COL5A2: variants seen among roughly 807,000 people sequenced by gnomAD.
The protein encoded by COL5A2 is collagen type V alpha 2 chain.
COL5A2 carries 23 observed loss-of-function variants against 208.2 expected under a neutral mutation model. The observed-to-expected ratio is 0.11, with a 90% CI of 0.08 to 0.16. The LOEUF is 0.16. Among genes scored for constraint, COL5A2 ranks in the 10% least tolerant of loss-of-function variants. The pLI is 1.00. For synonymous variants in COL5A2, 625 were observed against 628.5 expected (o/e 0.99, Z 0.08); for missense variants, 1,590 against 1,956.4 (o/e 0.81, Z 3.53).
At chr2:189,225,301 C>A (rs1320518189) in exon 1 of COL5A2, among the ~76,000 whole-genome samples, 2 of 152,070 alleles carry the variant, frequency 1.3e-5, no homozygotes, top group Non-Finnish European at 2.9e-5. Context: ...GGCCAGAGTT[C>A]TCAAGACCTT....
chr2:189,289,816 A>G, the COL5A2 span, among the ~76,000 whole-genome samples: 1 of 152,192 alleles, frequency 6.6e-6, no homozygotes, highest in Non-Finnish European at 1.5e-5. Context: ...GTAATAAAAT[A>G]CTTAGAAATA....
At chr2:189,338,879 A>G in the COL5A2 span, among the ~76,000 whole-genome samples, 1 of 151,924 alleles carries the variant, frequency 6.6e-6, no homozygotes, top group African/African-American at 2.4e-5. Flanking sequence ...TACCAAGCCC[A>G]ATCTTCCATT....
chr2:189,342,683 T>G, the COL5A2 span, among the ~76,000 whole-genome samples: 1 of 134,434 alleles, frequency 7.4e-6, no homozygotes, highest in Non-Finnish European at 1.6e-5. Context: ...ACACACACAA[T>G]AAATATGTTG....
At chr2:189,110,560 TCCAAGG>T in intron 1 of COL5A2, 111 bp from the exon 2 acceptor site, 1 of 864,770 alleles carries the variant, frequency 1.2e-6, no homozygotes. Context: ...GAAGTAACCT[TCCAAGG>T]AGCCAAACAC....
At chr2:189,146,844 A>C (rs185366543) in intron 1 of COL5A2, among the ~76,000 whole-genome samples, 3 of 152,286 alleles carry the variant, frequency 2.0e-5, no homozygotes, top group Admixed American at 2.0e-4. Context: ...ACAAGCATCT[A>C]AATCAAATTT....
At chr2:189,427,941 C>G in the COL5A2 span, among the ~76,000 whole-genome samples, 1 of 152,186 alleles carries the variant, frequency 6.6e-6, no homozygotes, top group African/African-American at 2.4e-5. Context: ...AAAGCATTTA[C>G]CCAATGCCTT....
chr2:189,218,550 T>G (rs1689307375), intron 1 of COL5A2, among the ~76,000 whole-genome samples: 1 of 152,170 alleles, frequency 6.6e-6, no homozygotes, highest in African/African-American at 2.4e-5. Flanking sequence ...AGGGAATAAA[T>G]TTCTGTTGTT....
At chr2:189,426,131 A>G in the COL5A2 span, among the ~76,000 whole-genome samples, 1 of 152,198 alleles carries the variant, frequency 6.6e-6, no homozygotes, top group South Asian at 2.1e-4. Flanking sequence ...TCAGAAGAAG[A>G]CAGGAAGACA....
the COL5A2 span, chr2:189,311,703 T>C: frequency 4.0e-6 from 3 of 753,478 alleles, no homozygotes; most frequent in Non-Finnish European, 7.2e-6. Flanking sequence ...GTGGACTGCA[T>C]GGTGACCACT....
chr2:189,198,953 T>C (rs1178539970), intron 1 of COL5A2, among the ~76,000 whole-genome samples: 2 of 152,204 alleles, frequency 1.3e-5, no homozygotes, highest in Admixed American at 1.3e-4. Context: ...TCAACCACTT[T>C]ATATATTCAC....
Position 189,085,707 on chromosome 2 carries a change from CT to C in COL5A2, c.744+11del. The C allele has an allele frequency of 6.2e-7, 1 of 1,612,242 alleles. No homozygotes were observed. Among genetic ancestry groups the C allele is most frequent in the Admixed American group, 1.7e-5 (1 of 59,982 alleles). On this transcript the variant is annotated intron_variant, in intron 10 of 53. Transcript: ENST00000374866. ...AAATGTAACTGGGTCTACATGCTTACTTGACATTTACCATTGGTCCAGGATC... is the reference window on the plus strand; with the variant it reads ...AAATGTAACTGGGTCTACATGCTTACTGACATTTACCATTGGTCCAGGATC...
chr2:189,172,704 T>C (rs1688593994), intron 1 of COL5A2, among the ~76,000 whole-genome samples: 1 of 152,176 alleles, frequency 6.6e-6, no homozygotes, highest in South Asian at 2.1e-4. Context: ...GAGGCTATGA[T>C]GCTTACGTTG....
At chr2:189,396,307 T>C in the COL5A2 span, among the ~76,000 whole-genome samples, 4 of 152,170 alleles carry the variant, frequency 2.6e-5, no homozygotes, top group African/African-American at 9.6e-5. Flanking sequence ...ATCACTGGTA[T>C]AGTGAAAAGA....
intron 1 of COL5A2, among the ~76,000 whole-genome samples, chr2:189,162,264 A>T (rs1304676205): frequency 6.6e-6 from 1 of 152,252 alleles, no homozygotes; most frequent in Non-Finnish European, 1.5e-5. Flanking sequence ...CAATCAATAA[A>T]GAACCTGATA....
chr2:189,101,967 T>C (rs1488980210), intron 3 of COL5A2, among the ~76,000 whole-genome samples: 1 of 151,978 alleles, frequency 6.6e-6, no homozygotes, highest in African/African-American at 2.4e-5. Context: ...TCTAGAGTCT[T>C]TCTATTTTAA....
rs141651823 is a variant in COL5A2 at position 189,071,117 on chromosome 2, T to C, written c.1158+923A>G. Among the ~76,000 whole-genome samples the C allele has an allele frequency of 3.3e-3, 501 of 152,324 alleles. 3 individuals carry two copies. The Middle Eastern group carries it at 0.048, about 14-fold the overall frequency. ...AACTAATAAGAAGCACGAACTTACATTGAGGGTGTCCTCTGCATAAGGCCC... is the reference window on the plus strand; with the variant it reads ...AACTAATAAGAAGCACGAACTTACACTGAGGGTGTCCTCTGCATAAGGCCC... On this transcript the variant is annotated intron_variant, in intron 18 of 53. Coordinates refer to ENST00000374866, the MANE Select transcript of COL5A2 (RefSeq NM_000393.5).
chr2:189,333,010 G>A, the COL5A2 span, among the ~76,000 whole-genome samples: 1 of 152,164 alleles, frequency 6.6e-6, no homozygotes, highest in Admixed American at 6.5e-5. Flanking sequence ...ATTATTTTAA[G>A]TGGAATAATA....
the COL5A2 span, among the ~76,000 whole-genome samples, chr2:189,273,437 G>T: frequency 1.3e-5 from 2 of 152,084 alleles, no homozygotes; most frequent in Non-Finnish European, 2.9e-5. Flanking sequence ...ATTAAAAAAA[G>T]AAGGTTCATC....
chr2:189,393,472 T>C, the COL5A2 span, among the ~76,000 whole-genome samples: 563 of 152,270 alleles, frequency 3.7e-3, 6 homozygotes, highest in African/African-American at 0.013. Flanking sequence ...CATCTTTCTA[T>C]AGTTTAATTA....
Sources: allele counts gnomAD v4.1 joint callset (sites outside exome capture counted in the v4.1 genomes callset), GRCh38; gene constraint gnomAD v4.1.1; transcripts MANE v1.5; gene names NCBI Gene and HGNC (gene_info 2026-07-23, HGNC 2026-07-21).